ERICH1: variants seen among roughly 807,000 people sequenced by gnomAD.
ERICH1 encodes glutamate rich 1.
A neutral mutation model predicts 39.6 loss-of-function variants in ERICH1; 56 were observed. That is an observed-to-expected ratio of 1.41 (90% CI 1.14 to 1.77). The LOEUF is 1.77. Among genes scored for constraint, ERICH1 ranks in the 40% most tolerant of loss-of-function variants. The pLI, the probability that ERICH1 is intolerant of heterozygous loss-of-function variation, is 0.00. For synonymous variants in ERICH1, 313 were observed against 223.6 expected (o/e 1.40, Z -3.57); for missense variants, 826 against 575.4 (o/e 1.44, Z -4.45).
At chr8:704,323 C>T (rs1404514164) in intron 2 of ERICH1, among the ~76,000 whole-genome samples, 2 of 152,130 alleles carry the variant, frequency 1.3e-5, no homozygotes, top group African/African-American at 4.8e-5. Flanking sequence ...GGAGTTACGG[C>T]AAGGACTTGG....
At chr8:728,122 T>G (rs1267645560) in intron 1 of ERICH1, among the ~76,000 whole-genome samples, 1 of 152,228 alleles carries the variant, frequency 6.6e-6, no homozygotes, top group South Asian at 2.1e-4. Context: ...AAGCTTTGCC[T>G]CCTCCGGAAA....
At chr8:638,558 G>A (rs113235163) in intron 3 of ERICH1, among the ~76,000 whole-genome samples, 1,910 of 152,302 alleles carry the variant, frequency 0.013, 35 homozygotes, top group African/African-American at 0.043. Flanking sequence ...CCACTGAGCT[G>A]TGATCGTGTA....
intron 3 of ERICH1, among the ~76,000 whole-genome samples, chr8:639,051 C>T (rs1201244168): frequency 6.6e-6 from 1 of 152,230 alleles, no homozygotes; most frequent in Non-Finnish European, 1.5e-5. Context: ...TCAAGCAGGC[C>T]TCACTGAAGA....
chr8:731,061 G>A, intron 1 of ERICH1, 79 bp downstream of exon 1: 2 of 1,369,242 alleles, frequency 1.5e-6, no homozygotes, highest in Non-Finnish European at 9.5e-7. Flanking sequence ...GCCGGGGTCG[G>A]GGTCCCGAGT....
intron 3 of ERICH1, chr8:626,908 G>A (rs1269471393): frequency 3.1e-6 from 1 of 325,466 alleles, no homozygotes; most frequent in Non-Finnish European, 6.3e-6. Context: ...TTCTTGCCTA[G>A]AGTAAGGTAC....
chr8:677,560 C>T (rs1449229047), intron 3 of ERICH1, among the ~76,000 whole-genome samples: 1 of 152,178 alleles, frequency 6.6e-6, no homozygotes, highest in South Asian at 2.1e-4. Context: ...GGGTCCACTG[C>T]GCAGGTCTGA....
In ERICH1 at chr8:731,126, C is replaced by T. The variant is rs758875928; in HGVS notation, c.22+14G>A. Reference sequence around the variant, plus strand: ...TCTGGGGTCTGGGCAGGCCTCCGCACCGCACCCACCTACCGTGCTTCCTGT... The same window carrying T: ...TCTGGGGTCTGGGCAGGCCTCCGCATCGCACCCACCTACCGTGCTTCCTGT... On this transcript the variant is annotated intron_variant, in intron 1 of 5. Transcript: ENST00000262109. 238 of 1,516,094 alleles carry T rather than the reference C, an allele frequency of 1.6e-4. No homozygotes were observed. The highest frequency in any genetic ancestry group is 2.0e-4 in the Non-Finnish European group (228 of 1,134,172). The allele number at this position is 1,516,094 out of a possible 1,614,324, so 93.9% of individuals were successfully genotyped here.
At chr8:681,552 T>G (rs984892039) in intron 3 of ERICH1, among the ~76,000 whole-genome samples, 8 of 152,156 alleles carry the variant, frequency 5.3e-5, no homozygotes, top group African/African-American at 1.9e-4. Context: ...GCAAGCAGGA[T>G]TGCAAAGCAG....
chr8:622,248 T>C (rs1031263855), intron 3 of ERICH1, among the ~76,000 whole-genome samples: 2 of 151,934 alleles, frequency 1.3e-5, no homozygotes, highest in African/African-American at 4.8e-5. Flanking sequence ...ATAAATAAAT[T>C]CCTTGCTATG....
rs377093955 is a variant in ERICH1, at chr8:685,732, T to C, written c.304+6746A>G. On this transcript the variant is annotated intron_variant, in intron 3 of 5. Coordinates refer to ENST00000262109, the MANE Select transcript of ERICH1 (RefSeq NM_207332.3). ...CCTGCAATAGGGGCATATTTTAGCA[T>C]CTTTTTCCGAGGCCTTGTCTGGCAT... is the stretch of plus-strand genomic sequence containing the variant. 1.1e-3 allele frequency among the ~76,000 whole-genome samples: 164 copies of C among 152,348 alleles called. 1 individual carries two copies. The highest frequency in any genetic ancestry group is 3.8e-3 in the African/African-American group (158 of 41,574).
At chr8:634,804 C>A (rs561850440) in intron 3 of ERICH1, among the ~76,000 whole-genome samples, 2 of 152,210 alleles carry the variant, frequency 1.3e-5, no homozygotes, top group Non-Finnish European at 2.9e-5. Flanking sequence ...CAGCCCAGGT[C>A]AAGCATCAGA....
rs532562411 is a variant in ERICH1, at chr8:624,867, C to T, written c.977-9583G>A. ...TCAGCCTCCAGAGTAGCTGGGACTA[C>T]AGGTGCCCGCCACCATGCCTGGCTA... is the stretch of plus-strand genomic sequence containing the variant. On this transcript the variant is annotated intron_variant, in intron 3 of 3. Coordinates refer to the ERICH1 transcript ENST00000522706. 1.0e-3 allele frequency among the ~76,000 whole-genome samples: 154 copies of T among 152,226 alleles called. 1 individual carries two copies. The highest frequency in any genetic ancestry group is 3.7e-3 in the African/African-American group (152 of 41,550).
At chr8:652,483 C>T (rs6990722) in intron 3 of ERICH1, among the ~76,000 whole-genome samples, 2,808 of 152,288 alleles carry the variant, frequency 0.018, 95 homozygotes, top group African/African-American at 0.064. Context: ...AAAGTGACCA[C>T]GAGCTTGCCT....
chr8:675,168 GAC>G lies in ERICH1; in HGVS notation c.305-1123_305-1122del, dbSNP rs1342652047. 3.7e-4 allele frequency among the ~76,000 whole-genome samples: 31 copies of G among 84,830 alleles called. 5 individuals are homozygous for G. Among genetic ancestry groups the G allele is most frequent in the South Asian group, 1.4e-3 (3 of 2,116 alleles). The allele number at this position is 84,830 out of a possible 152,430, so 55.7% of individuals were successfully genotyped here. ...CGCGGCGGCCCCTCGTGAGGACAGA[GAC>G]GCGGCGGCCCCTCGTGAGGACAGAG... On this transcript the variant is annotated intron_variant, in intron 3 of 5. Coordinates refer to ENST00000262109, the MANE Select transcript of ERICH1 (RefSeq NM_207332.3).
intron 2 of ERICH1, among the ~76,000 whole-genome samples, chr8:708,520 A>G (rs538829569): frequency 6.6e-6 from 1 of 152,244 alleles, no homozygotes; most frequent in African/African-American, 2.4e-5. Flanking sequence ...CCTTTAAAAA[A>G]TTATGCTACA....
At chr8:671,304 A>T (rs1158245240) in intron 4 of ERICH1, among the ~76,000 whole-genome samples, 7 of 149,306 alleles carry the variant, frequency 4.7e-5, no homozygotes. Flanking sequence ...CCGACCTCTG[A>T]ACCTGCCGGC....
intron 4 of ERICH1, chr8:672,231 G>A (rs1458257372): frequency 6.6e-6 from 1 of 152,234 alleles, no homozygotes; most frequent in East Asian, 1.9e-4. Context: ...AGAATAGAAA[G>A]TTTACTGAGA....
chr8:652,713 C>G (rs1176735900), intron 3 of ERICH1, among the ~76,000 whole-genome samples: 2 of 152,056 alleles, frequency 1.3e-5, no homozygotes, highest in Non-Finnish European at 2.9e-5. Context: ...TTGGAGAGAC[C>G]AGGGGCACAC....
chr8:662,452 C>A (rs1025442052), downstream of ERICH1, among the ~76,000 whole-genome samples: 4 of 145,976 alleles, frequency 2.7e-5, no homozygotes, highest in African/African-American at 1.1e-4. Flanking sequence ...AGTTCAAGAC[C>A]AGCCTGACCA....
Sources: gnomAD v4.1 joint callset for allele counts (sites outside exome capture counted in the v4.1 genomes callset) on GRCh38, gnomAD v4.1.1 for gene constraint, MANE v1.5 for transcripts, NCBI Gene and HGNC (gene_info 2026-07-23, HGNC 2026-07-21) for gene names.